The following ANO1 variants were observed in gnomAD, a reference collection of about 807,000 sequenced individuals.
The protein encoded by ANO1 is anoctamin 1.
Under a neutral mutation model 124.0 loss-of-function variants are expected in ANO1, and 59 were observed. The observed-to-expected ratio is 0.48, with a 90% CI of 0.39 to 0.59. The LOEUF is 0.59. Ranked by LOEUF, ANO1 falls within the 20% of genes least tolerant of loss-of-function variation. The probability of loss-of-function intolerance (pLI) is 0.00; values close to 1 mark genes in which losing one functional copy is unlikely to be tolerated. For missense variants in ANO1, 1,059 were observed against 1,328.0 expected, an observed-to-expected ratio of 0.80 and a Z score of 3.15; for synonymous variants, 529 against 532.0, an observed-to-expected ratio of 0.99 and a Z score of 0.08.
intron 1 of ANO1, among the ~76,000 whole-genome samples, chr11:70,008,177 G>A (rs1266140754): frequency 6.6e-6 from 1 of 152,160 alleles, no homozygotes; most frequent in Non-Finnish European, 1.5e-5. Context: ...TCAAATATAT[G>A]CCTTACAAAT....
At chr11:70,133,094 G>A (rs765328342) in intron 11 of ANO1, among the ~76,000 whole-genome samples, 6 of 152,204 alleles carry the variant, frequency 3.9e-5, no homozygotes, top group Non-Finnish European at 7.3e-5. Context: ...GCAGGCTCCC[G>A]GGGCCAGAAT....
chr11:69,984,772 T>G (rs1856001747), upstream of ANO1, among the ~76,000 whole-genome samples: 1 of 152,152 alleles, frequency 6.6e-6, no homozygotes, highest in Admixed American at 6.5e-5. Context: ...GATCCAAGGG[T>G]CCCTGGCATG....
intron 1 of ANO1, among the ~76,000 whole-genome samples, chr11:69,990,459 TGTGA>T (rs1387079897): frequency 1.3e-5 from 2 of 152,370 alleles, no homozygotes; most frequent in Admixed American, 6.5e-5. Flanking sequence ...AGCATTTGCA[TGTGA>T]GTGTCTGTTT....
intron 1 of ANO1, chr11:70,015,865 G>C (rs575346188): frequency 6.6e-6 from 1 of 152,400 alleles, no homozygotes; most frequent in South Asian, 2.1e-4. Context: ...CACAAGGAGA[G>C]ATGCTGAGAC....
chr11:70,113,965 T>C (rs574155901), intron 7 of ANO1, among the ~76,000 whole-genome samples: 64 of 152,288 alleles, frequency 4.2e-4, no homozygotes, highest in African/African-American at 1.4e-3. Flanking sequence ...GGAGGCCAAA[T>C]GCATCCCTCT....
chr11:70,087,625 A>C, intron 1 of ANO1, 127 bp from the exon 2 acceptor site: 1 of 908,444 alleles, frequency 1.1e-6, no homozygotes, highest in Non-Finnish European at 1.6e-6. Flanking sequence ...TGGCCCGTGG[A>C]GGGCGCTCAG....
intron 2 of ANO1, among the ~76,000 whole-genome samples, chr11:70,096,110 C>T (rs2155455): frequency 0.33 from 50,150 of 151,870 alleles, 8,599 homozygotes; most frequent in Admixed American, 0.43. Context: ...CTGGTGGGGG[C>T]GGGTCTGCTT....
At chr11:69,994,103 A>ACCC (rs35126450) in intron 1 of ANO1, among the ~76,000 whole-genome samples, 172 of 148,972 alleles carry the variant, frequency 1.2e-3, no homozygotes, top group African/African-American at 4.0e-3. Context: ...TTTGTCGTTA[A>ACCC]CCCCCCCCCA....
At chr11:69,966,335 A>T in the ANO1 span, among the ~76,000 whole-genome samples, 4 of 152,198 alleles carry the variant, frequency 2.6e-5, no homozygotes, top group Admixed American at 6.5e-5. Context: ...GTCTATTGGC[A>T]TCCAGGGGAA....
At chr11:70,106,550 G>T (rs1347395722) in intron 5 of ANO1, among the ~76,000 whole-genome samples, 1 of 152,178 alleles carries the variant, frequency 6.6e-6, no homozygotes, top group Non-Finnish European at 1.5e-5. Context: ...GGTGCAGGTC[G>T]TACCAGCACG....
intron 1 of ANO1, among the ~76,000 whole-genome samples, chr11:70,044,190 C>G (rs1857224215): frequency 6.6e-6 from 1 of 151,622 alleles, no homozygotes; most frequent in Admixed American, 6.6e-5. Context: ...TAAAATAAAG[C>G]AAAAAGTGCT....
chr11:70,107,801 A>G (rs1032330061), intron 5 of ANO1, among the ~76,000 whole-genome samples: 1 of 152,026 alleles, frequency 6.6e-6, no homozygotes, highest in Non-Finnish European at 1.5e-5. Flanking sequence ...CCGGGGGGGA[A>G]TCCCTTCAGC....
intron 1 of ANO1, among the ~76,000 whole-genome samples, chr11:70,001,413 C>A (rs1554999235): frequency 6.6e-6 from 1 of 152,188 alleles, no homozygotes; most frequent in Non-Finnish European, 1.5e-5. Context: ...CAACTGGAAG[C>A]TCCGCAGGGC....
At chr11:70,123,070 A>G (rs2046359759) in intron 8 of ANO1, among the ~76,000 whole-genome samples, 1 of 152,074 alleles carries the variant, frequency 6.6e-6, no homozygotes, top group Non-Finnish European at 1.5e-5. Context: ...CCTTCTCTCC[A>G]TGCCCTGGGA....
intron 2 of ANO1, among the ~76,000 whole-genome samples, chr11:70,093,916 G>A (rs891466118): frequency 6.6e-6 from 1 of 152,248 alleles, no homozygotes; most frequent in Non-Finnish European, 1.5e-5. Context: ...CCGGTATGCG[G>A]ATGTGGACCC....
At chr11:70,127,494 C>T (rs1565228381) in intron 10 of ANO1, among the ~76,000 whole-genome samples, 1 of 152,322 alleles carries the variant, frequency 6.6e-6, no homozygotes, top group East Asian at 1.9e-4. Flanking sequence ...GAGACAGCCT[C>T]GCCTCGCTCA....
chr11:70,154,018 G>C (rs2047707642), intron 14 of ANO1, among the ~76,000 whole-genome samples: 1 of 151,988 alleles, frequency 6.6e-6, no homozygotes, highest in African/African-American at 2.4e-5. Flanking sequence ...CACCCGCCTT[G>C]GCCTCCCAAA....
At chr11:70,152,334 C>CAAAAA (rs56895585) in intron 12 of ANO1, 116 bp from the exon 13 acceptor site, 46 of 439,216 alleles carry the variant, frequency 1.0e-4, no homozygotes, top group Middle Eastern at 7.0e-4. Flanking sequence ...GACTCCATCT[C>CAAAAA]AAAAAAAAAA....
chr11:69,982,717 C>A (rs1201058430), upstream of ANO1, among the ~76,000 whole-genome samples: 1 of 152,164 alleles, frequency 6.6e-6, no homozygotes, highest in Non-Finnish European at 1.5e-5. Flanking sequence ...GGCTTCTGCA[C>A]CAGCTTGCTC....
Sources: gnomAD v4.1 joint callset for allele counts (sites outside exome capture counted in the v4.1 genomes callset) on GRCh38, gnomAD v4.1.1 for gene constraint, MANE v1.5 for transcripts, NCBI Gene and HGNC (gene_info 2026-07-23, HGNC 2026-07-21) for gene names.